Variants in KIAA1217 observed in about 807,000 individuals in gnomAD.
KIAA1217 encodes the protein sickle tail protein homolog.
KIAA1217 carries 88 observed loss-of-function variants against 163.9 expected under a neutral mutation model. The ratio of observed to expected loss-of-function variants is 0.54; its 90% confidence interval spans 0.45 to 0.64. The LOEUF (loss-of-function observed/expected upper bound fraction) is 0.64. KIAA1217 is among the 30% of genes least tolerant of loss of function. The pLI is 0.00. For missense variants in KIAA1217, 2,372 were observed against 2,475.0 expected (o/e 0.96, Z 0.88); for synonymous variants, 903 against 923.1 (o/e 0.98, Z 0.39).
chr10:24,048,195 G>A (rs535661681), intron 2 of KIAA1217, among the ~76,000 whole-genome samples: 45 of 152,214 alleles, frequency 3.0e-4, no homozygotes, highest in Non-Finnish European at 1.5e-4. Context: ...AGACCAGTTC[G>A]TCCAGATCCA....
At chr10:23,771,475 C>T (rs1230981880) in intron 1 of KIAA1217, among the ~76,000 whole-genome samples, 1 of 152,178 alleles carries the variant, frequency 6.6e-6, no homozygotes, top group Non-Finnish European at 1.5e-5. Flanking sequence ...ATGTATCAAG[C>T]ATACTGGTAA....
intron 5 of KIAA1217, among the ~76,000 whole-genome samples, chr10:24,459,242 C>T (rs190801222): frequency 6.6e-6 from 1 of 152,260 alleles, no homozygotes; most frequent in Admixed American, 6.5e-5. Context: ...AAGAAAGGGA[C>T]CTCTTTCTTA....
chr10:23,887,447 T>C (rs1841231872), intron 1 of KIAA1217, among the ~76,000 whole-genome samples: 1 of 151,854 alleles, frequency 6.6e-6, no homozygotes, highest in African/African-American at 2.4e-5. Flanking sequence ...TAGGCTAAGT[T>C]AGAATCTGTC....
At chr10:24,355,730 T>G (rs981865120) in intron 2 of KIAA1217, among the ~76,000 whole-genome samples, 3 of 49,142 alleles carry the variant, frequency 6.1e-5, no homozygotes, top group Admixed American at 5.7e-4. Flanking sequence ...TCCTCACTCT[T>G]TTTTTTTTTT....
chr10:24,423,450 A>C (rs2058920549), intron 3 of KIAA1217, among the ~76,000 whole-genome samples: 1 of 149,914 alleles, frequency 6.7e-6, no homozygotes, highest in African/African-American at 2.5e-5. Flanking sequence ...ACGCCCAGAT[A>C]ATTTTTGTTT....
intron 2 of KIAA1217, among the ~76,000 whole-genome samples, chr10:24,136,298 A>C (rs1296381416): frequency 6.6e-6 from 1 of 152,226 alleles, no homozygotes; most frequent in Non-Finnish European, 1.5e-5. Context: ...GTCATCAAAA[A>C]ATGGATAAAT....
intron 2 of KIAA1217, among the ~76,000 whole-genome samples, chr10:24,062,662 G>A (rs1441491196): frequency 6.6e-6 from 1 of 151,954 alleles, no homozygotes; most frequent in Non-Finnish European, 1.5e-5. Context: ...CCAGTAATGG[G>A]ATGGCTGGGT....
intron 1 of KIAA1217, among the ~76,000 whole-genome samples, chr10:23,755,914 T>G (rs897591177): frequency 6.6e-6 from 1 of 152,026 alleles, no homozygotes; most frequent in African/African-American, 2.4e-5. Flanking sequence ...ACCAATACCT[T>G]TGGTTATTAT....
chr10:23,749,448 A>T (rs1404613812), intron 1 of KIAA1217, among the ~76,000 whole-genome samples: 1 of 151,560 alleles, frequency 6.6e-6, no homozygotes, highest in Non-Finnish European at 1.5e-5. Context: ...AGTTTCTATC[A>T]CCAGGTTGGA....
chr10:24,266,591 T>C (rs1282376297), intron 2 of KIAA1217, among the ~76,000 whole-genome samples: 1 of 152,084 alleles, frequency 6.6e-6, no homozygotes, highest in Admixed American at 6.6e-5. Flanking sequence ...ATCAGCGCTC[T>C]GTAGCTAGCA....
chr10:23,842,462 G>T (rs1838833182), intron 1 of KIAA1217, among the ~76,000 whole-genome samples: 1 of 152,066 alleles, frequency 6.6e-6, no homozygotes, highest in Non-Finnish European at 1.5e-5. Context: ...AGCGAGTGCT[G>T]GGTAGACAAG....
At chr10:24,455,805 C>T (rs747002696) in intron 5 of KIAA1217, among the ~76,000 whole-genome samples, 9 of 152,162 alleles carry the variant, frequency 5.9e-5, no homozygotes, top group African/African-American at 1.4e-4. Context: ...TGTAACACTA[C>T]GAAATGAATT....
intron 2 of KIAA1217, among the ~76,000 whole-genome samples, chr10:24,194,457 G>A (rs1048702299): frequency 2.0e-5 from 3 of 150,324 alleles, no homozygotes; most frequent in African/African-American, 7.4e-5. Flanking sequence ...AAGTCACTGG[G>A]ACTACGGACA....
intron 2 of KIAA1217, among the ~76,000 whole-genome samples, chr10:24,315,067 C>A (rs1038669668): frequency 6.6e-6 from 1 of 152,164 alleles, no homozygotes; most frequent in African/African-American, 2.4e-5. Flanking sequence ...ATGGGACCCA[C>A]TGATACCCTG....
rs1564846885 is a variant in KIAA1217, at chr10:24,520,235, G to T, written c.2290G>T (p.Ala764Ser). 8 of 1,614,164 alleles carry T rather than the reference G, an allele frequency of 5.0e-6. No homozygotes were observed. The highest frequency in any genetic ancestry group is 5.9e-6 in the Non-Finnish European group (7 of 1,180,008). Residue 764 changes from alanine to serine, a missense_variant, in exon 11 of 21, where the codon GCT becomes TCT. This residue lies in a region of KIAA1217 where 1,431 missense variants were observed against 1,470.3 expected (regional missense o/e 0.97). Coordinates refer to ENST00000376454, the MANE Select transcript of KIAA1217 (RefSeq NM_019590.5). ...TTTCCTCCTGCGTCAAGTGGGAGAGGCTGTAGCTACCCTGAAAGGTAAACT... is the reference window on the plus strand; with the variant it reads ...TTTCCTCCTGCGTCAAGTGGGAGAGTCTGTAGCTACCCTGAAAGGTAAACT... ...GAFLLRQVGE[A>S]VATLKGEFPT...
intron 1 of KIAA1217, among the ~76,000 whole-genome samples, chr10:23,970,994 A>G (rs1845291240): frequency 6.6e-6 from 1 of 152,210 alleles, no homozygotes; most frequent in Non-Finnish European, 1.5e-5. Flanking sequence ...AAAAGGAAAT[A>G]AAGTGCACTT....
intron 2 of KIAA1217, among the ~76,000 whole-genome samples, chr10:24,270,052 C>G (rs1262335708): frequency 6.6e-6 from 1 of 152,212 alleles, no homozygotes; most frequent in Non-Finnish European, 1.5e-5. Flanking sequence ...CACAGATTGC[C>G]GAGTTCTGGT....
intron 2 of KIAA1217, among the ~76,000 whole-genome samples, chr10:24,046,095 T>G (rs957261547): frequency 2.0e-5 from 3 of 152,024 alleles, no homozygotes; most frequent in African/African-American, 7.2e-5. Context: ...TTTCATTTAT[T>G]TATTTATTTA....
At chr10:24,120,015 A>G (rs558238008) in intron 2 of KIAA1217, among the ~76,000 whole-genome samples, 20 of 152,252 alleles carry the variant, frequency 1.3e-4, no homozygotes, top group African/African-American at 3.9e-4. Context: ...AGCTTTCCCT[A>G]TTCTTTAGAT....
Sources: allele counts gnomAD v4.1 joint callset (sites outside exome capture counted in the v4.1 genomes callset), GRCh38; gene constraint gnomAD v4.1.1; regional missense constraint gnomAD v4.1.1; transcripts MANE v1.5; gene names NCBI Gene and HGNC (gene_info 2026-07-23, HGNC 2026-07-21).